Variants in PALLD observed in about 807,000 individuals in gnomAD.
The protein encoded by PALLD is palladin.
Under a neutral mutation model 123.5 loss-of-function variants are expected in PALLD, and 61 were observed. The observed-to-expected ratio is 0.49, with a 90% CI of 0.40 to 0.61. The LOEUF (loss-of-function observed/expected upper bound fraction) is 0.61. Ranked by LOEUF, PALLD falls within the 20% of genes least tolerant of loss-of-function variation. The probability of loss-of-function intolerance (pLI) is 0.00; values close to 1 mark genes in which losing one functional copy is unlikely to be tolerated. For synonymous variants in PALLD, 465 were observed against 496.4 expected (o/e 0.94, Z 0.84); for missense variants, 1,273 against 1,377.0 (o/e 0.92, Z 1.20).
chr4:168,512,382 G>A lies in PALLD; in HGVS notation c.878G>A (p.Arg293Lys), dbSNP rs760939042. ...GGGAGCCGAGTTTATCTGGAGTGTA[G>A]AGTCACTGGAAACCCCACTCCTCGA... is the stretch of plus-strand genomic sequence containing the variant. ...AEGSRVYLECRVTGNPTPRVR... is the reference protein window; with the variant it reads ...AEGSRVYLECKVTGNPTPRVR... The change falls in exon 2 of 22, where the codon AGA becomes AAA. Residue 293 changes from arginine (R) to lysine (K), a missense_variant. Physicochemically the swap from Arg to Lys is conservative, Grantham distance 26. This residue lies in a region of PALLD where 944 missense variants were observed against 954.5 expected (regional missense o/e 0.99). Transcript: ENST00000505667. The A allele has an allele frequency of 5.0e-6, 8 of 1,613,708 alleles. No individual in the cohort carries two copies. The South Asian group carries it at 7.7e-5, about 16-fold the overall frequency.
chr4:168,567,834 A>G (rs1351775588), intron 2 of PALLD, among the ~76,000 whole-genome samples: 3 of 151,860 alleles, frequency 2.0e-5, no homozygotes, highest in Admixed American at 6.6e-5. Flanking sequence ...AAAATTACCT[A>G]TCGGGTACAA....
At chr4:168,909,290 A>G (rs556515831) in intron 15 of PALLD, among the ~76,000 whole-genome samples, 1 of 152,320 alleles carries the variant, frequency 6.6e-6, no homozygotes, top group South Asian at 2.1e-4. Flanking sequence ...CATTATGTAT[A>G]CAAGTGGCAA....
intron 2 of PALLD, among the ~76,000 whole-genome samples, chr4:168,574,406 T>C (rs1032577293): frequency 4.6e-5 from 7 of 152,158 alleles, no homozygotes; most frequent in African/African-American, 1.7e-4. Context: ...AGTAGCTTCT[T>C]ACTTGTCTTC....
chr4:168,588,377 G>A (rs1287871407), intron 2 of PALLD, among the ~76,000 whole-genome samples: 1 of 151,944 alleles, frequency 6.6e-6, no homozygotes, highest in Non-Finnish European at 1.5e-5. Context: ...TGCAGATTTT[G>A]AGAGAGAAAT....
intron 1 of PALLD, among the ~76,000 whole-genome samples, chr4:168,509,006 G>A (rs1762281948): frequency 1.3e-5 from 2 of 152,300 alleles, no homozygotes; most frequent in South Asian, 4.1e-4. Flanking sequence ...ATGGTACTGG[G>A]TGTCCTTGCA....
chr4:168,602,148 G>A (rs560979886), intron 2 of PALLD, among the ~76,000 whole-genome samples: 1 of 152,304 alleles, frequency 6.6e-6, no homozygotes, highest in Non-Finnish European at 1.5e-5. Context: ...CCAAAGCATG[G>A]CAACTAAGCG....
intron 17 of PALLD, among the ~76,000 whole-genome samples, chr4:168,918,337 T>TATAC (rs920727339): frequency 2.0e-5 from 3 of 151,404 alleles, no homozygotes; most frequent in African/African-American, 7.3e-5. Context: ...TATATATATA[T>TATAC]ATACATACAT....
intron 15 of PALLD, among the ~76,000 whole-genome samples, chr4:168,906,669 G>A (rs988883897): frequency 3.3e-5 from 5 of 152,132 alleles, no homozygotes; most frequent in African/African-American, 1.2e-4. Context: ...CAGTCACCCA[G>A]GCTGGAGTAC....
intron 2 of PALLD, among the ~76,000 whole-genome samples, chr4:168,666,454 C>A (rs749332122): frequency 2.6e-5 from 4 of 152,048 alleles, no homozygotes; most frequent in African/African-American, 9.7e-5. Flanking sequence ...GTTGAAGATG[C>A]CTTTAGCTTG....
chr4:168,773,646 C>T (rs941366523), intron 10 of PALLD, among the ~76,000 whole-genome samples: 1 of 152,170 alleles, frequency 6.6e-6, no homozygotes, highest in African/African-American at 2.4e-5. Flanking sequence ...TGCACTCAGC[C>T]ATCATCGTGT....
intron 10 of PALLD, among the ~76,000 whole-genome samples, chr4:168,733,221 T>C (rs1010542819): frequency 6.6e-6 from 1 of 152,210 alleles, no homozygotes; most frequent in African/African-American, 2.4e-5. Context: ...TAATTTATTG[T>C]TAACTATAAT....
chr4:168,779,324 A>G (rs12651120), intron 10 of PALLD, among the ~76,000 whole-genome samples: 49,635 of 152,014 alleles, frequency 0.33, 8,987 homozygotes, highest in Non-Finnish European at 0.42. Flanking sequence ...ACATTCTGTA[A>G]TGTATTAGAA....
intron 10 of PALLD, among the ~76,000 whole-genome samples, chr4:168,889,138 TTGTGTGTGTGTGTGTG>T (rs143065658): frequency 1.5e-5 from 2 of 132,238 alleles, no homozygotes; most frequent in African/African-American, 5.6e-5. Flanking sequence ...TTGCTTTATT[TTGTGTGTGTGTGTGTG>T]TGTGTGTGTG....
At chr4:168,724,783 A>G (rs537463187) in intron 10 of PALLD, among the ~76,000 whole-genome samples, 1 of 152,322 alleles carries the variant, frequency 6.6e-6, no homozygotes, top group East Asian at 1.9e-4. Flanking sequence ...CAACCTCTGT[A>G]TGTGAAGGTT....
intron 10 of PALLD, among the ~76,000 whole-genome samples, chr4:168,800,336 G>A (rs1263413324): frequency 4.6e-5 from 7 of 152,088 alleles, no homozygotes; most frequent in Admixed American, 6.5e-5. Context: ...GAAAGTATTT[G>A]CAACTTATGT....
intron 10 of PALLD, among the ~76,000 whole-genome samples, chr4:168,745,851 A>G (rs920284956): frequency 1.3e-5 from 2 of 152,194 alleles, no homozygotes; most frequent in African/African-American, 4.8e-5. Flanking sequence ...CTTGAGGACT[A>G]TATGCAGGAG....
At chr4:168,506,433 C>T (rs1762009515) in intron 1 of PALLD, among the ~76,000 whole-genome samples, 1 of 124,676 alleles carries the variant, frequency 8.0e-6, no homozygotes, top group Admixed American at 8.3e-5. Context: ...CCCTTTGTTA[C>T]TTCTCTCCTT....
At chr4:168,702,915 T>A (rs1055585493) in intron 8 of PALLD, among the ~76,000 whole-genome samples, 14 of 149,878 alleles carry the variant, frequency 9.3e-5, no homozygotes, top group Admixed American at 4.0e-4. Flanking sequence ...TTATTTATTT[T>A]TTATTATTAT....
chr4:168,824,181 T>G (rs1743102912), intron 10 of PALLD, among the ~76,000 whole-genome samples: 2 of 152,238 alleles, frequency 1.3e-5, no homozygotes, highest in African/African-American at 4.8e-5. Context: ...AATTTAGTCT[T>G]TATTTATGGT....
Sources: allele counts gnomAD v4.1 joint callset (sites outside exome capture counted in the v4.1 genomes callset), GRCh38; gene constraint gnomAD v4.1.1; regional missense constraint gnomAD v4.1.1; transcripts MANE v1.5; gene names NCBI Gene and HGNC (gene_info 2026-07-23, HGNC 2026-07-21).